Variants in MFHAS1 observed in about 807,000 individuals in gnomAD.
MFHAS1 encodes malignant fibrous histiocytoma-amplified sequence 1.
In MFHAS1, 50 loss-of-function variants were observed where a neutral mutation model predicts 70.4. The ratio of observed to expected loss-of-function variants is 0.71; its 90% CI spans 0.57 to 0.90. The LOEUF (loss-of-function observed/expected upper bound fraction) is 0.90, where lower values mean the gene tolerates loss of function less well. Among genes scored for constraint, MFHAS1 ranks in the 40% least tolerant of loss-of-function variants. MFHAS1 has a pLI of 0.00. For synonymous variants in MFHAS1, 952 were observed against 620.0 expected (o/e 1.54, Z -7.96); for missense variants, 1,795 against 1,347.6 (o/e 1.33, Z -5.20).
intron 2 of MFHAS1, among the ~76,000 whole-genome samples, chr8:8,792,128 C>T (rs1209897894): frequency 1.3e-5 from 2 of 152,006 alleles, no homozygotes; most frequent in African/African-American, 4.8e-5. Context: ...GTCCCAGCTA[C>T]TCGGCAGGGA....
intron 1 of MFHAS1, among the ~76,000 whole-genome samples, chr8:8,819,327 C>A (rs995588322): frequency 6.6e-6 from 1 of 151,996 alleles, no homozygotes; most frequent in Non-Finnish European, 1.5e-5. Context: ...AAGAATTGGC[C>A]GGGTGCGGTG....
intron 1 of MFHAS1, among the ~76,000 whole-genome samples, chr8:8,798,440 C>T (rs1805980457): frequency 6.6e-6 from 1 of 152,194 alleles, no homozygotes; most frequent in East Asian, 1.9e-4. Context: ...ATCCTCCCAC[C>T]TCAGACTCCC....
chr8:8,796,479 C>G (rs1049038124), intron 2 of MFHAS1, among the ~76,000 whole-genome samples: 1 of 151,492 alleles, frequency 6.6e-6, no homozygotes, highest in African/African-American at 2.4e-5. Context: ...GTCAGGAGAT[C>G]GAGATCATCC....
intron 1 of MFHAS1, among the ~76,000 whole-genome samples, chr8:8,821,554 A>G (rs1806957416): frequency 6.6e-6 from 1 of 152,242 alleles, no homozygotes; most frequent in South Asian, 2.1e-4. Flanking sequence ...GATTTATGCC[A>G]GAACTTCACA....
intron 1 of MFHAS1, chr8:8,821,826 A>C (rs891368187): frequency 6.6e-6 from 1 of 152,244 alleles, no homozygotes; most frequent in African/African-American, 2.4e-5. Flanking sequence ...TCACCGTAGG[A>C]GCATGTGGAC....
At chr8:8,794,670 G>C (rs1250394164) in intron 2 of MFHAS1, among the ~76,000 whole-genome samples, 1 of 152,024 alleles carries the variant, frequency 6.6e-6, no homozygotes, top group African/African-American at 2.4e-5. Context: ...CCTACTTAGA[G>C]AACATTCCTT....
chr8:8,879,857 G>A (rs746373052), intron 1 of MFHAS1, among the ~76,000 whole-genome samples: 1 of 152,112 alleles, frequency 6.6e-6, no homozygotes, highest in African/African-American at 2.4e-5. Context: ...TATCTAATCT[G>A]GTAATCATCT....
chr8:8,791,720 T>A (rs1011913054), intron 2 of MFHAS1, among the ~76,000 whole-genome samples: 4 of 152,134 alleles, frequency 2.6e-5, no homozygotes, highest in Admixed American at 2.6e-4. Context: ...ACGGGAAGTA[T>A]AGGTTTGCCC....
chr8:8,797,116 C>A, intron 2 of MFHAS1, among the ~76,000 whole-genome samples: 1 of 145,564 alleles, frequency 6.9e-6, no homozygotes, highest in African/African-American at 2.6e-5. Flanking sequence ...CTCAAAAAGG[C>A]TGTTAAAAAA....
At chr8:8,861,452 T>C (rs994848852) in intron 1 of MFHAS1, among the ~76,000 whole-genome samples, 2 of 152,174 alleles carry the variant, frequency 1.3e-5, no homozygotes, top group Non-Finnish European at 2.9e-5. Flanking sequence ...AATGTTCCAC[T>C]TACCACAATA....
chr8:8,791,561 AC>A (rs1181226656), intron 2 of MFHAS1, among the ~76,000 whole-genome samples: 2 of 152,206 alleles, frequency 1.3e-5, no homozygotes, highest in Non-Finnish European at 2.9e-5. Flanking sequence ...ATGAAACGCA[AC>A]CAGCAAGCTG....
chr8:8,850,785 T>C (rs1452117584), intron 1 of MFHAS1, among the ~76,000 whole-genome samples: 19 of 128,454 alleles, frequency 1.5e-4, no homozygotes, highest in Non-Finnish European at 1.6e-5. Flanking sequence ...CGATCGTGCC[T>C]GGGCAACAGG....
chr8:8,826,108 A>T (rs1456134624), intron 1 of MFHAS1, among the ~76,000 whole-genome samples: 4 of 152,142 alleles, frequency 2.6e-5, no homozygotes, highest in Non-Finnish European at 5.9e-5. Context: ...TTGTTTTTTT[A>T]AAAAATTTGC....
intron 1 of MFHAS1, among the ~76,000 whole-genome samples, chr8:8,883,501 A>G (rs1809610610): frequency 6.6e-6 from 1 of 151,828 alleles, no homozygotes; most frequent in Non-Finnish European, 1.5e-5. Flanking sequence ...TGAGGTCAGG[A>G]GTTCAAGACG....
intron 1 of MFHAS1, among the ~76,000 whole-genome samples, chr8:8,827,729 T>A (rs775645103): frequency 1.3e-5 from 2 of 152,220 alleles, no homozygotes; most frequent in Non-Finnish European, 1.5e-5. Flanking sequence ...CCTCATGAAA[T>A]TTTTCTTTTA....
chr8:8,857,488 G>C (rs370217881), intron 1 of MFHAS1, among the ~76,000 whole-genome samples: 2 of 152,250 alleles, frequency 1.3e-5, no homozygotes, highest in South Asian at 2.1e-4. Context: ...GCCCGGCGCG[G>C]TGTCTAACGC....
chr8:8,813,830 A>C (rs928241518), intron 1 of MFHAS1, among the ~76,000 whole-genome samples: 2 of 152,144 alleles, frequency 1.3e-5, no homozygotes, highest in African/African-American at 4.8e-5. Flanking sequence ...AGCAGCAGTA[A>C]CGTCCTGAGC....
intron 1 of MFHAS1, among the ~76,000 whole-genome samples, chr8:8,852,530 C>T (rs1413634125): frequency 1.3e-5 from 2 of 151,976 alleles, no homozygotes; most frequent in African/African-American, 4.8e-5. Context: ...AGGGTTTAGA[C>T]CTGGTGCCTG....
chr8:8,841,529 C>G (rs1453847170), intron 1 of MFHAS1, among the ~76,000 whole-genome samples: 1 of 152,084 alleles, frequency 6.6e-6, no homozygotes, highest in African/African-American at 2.4e-5. Flanking sequence ...ATGTAAAACA[C>G]TCACTCATTC....
Sources: allele counts gnomAD v4.1 joint callset (sites outside exome capture counted in the v4.1 genomes callset), GRCh38; gene constraint gnomAD v4.1.1; transcripts MANE v1.5; gene names NCBI Gene and HGNC (gene_info 2026-07-23, HGNC 2026-07-21).